XRN1: variants seen among roughly 807,000 people sequenced by gnomAD.
The protein encoded by XRN1 is strand-exchange protein 1 homolog.
Under a neutral mutation model 222.3 loss-of-function variants are expected in XRN1, and 67 were observed. That is an observed-to-expected ratio of 0.30 (90% confidence interval 0.25 to 0.37). The LOEUF (loss-of-function observed/expected upper bound fraction) is 0.37, where lower values mean the gene tolerates loss of function less well. Among genes scored for constraint, XRN1 ranks in the 10% least tolerant of loss-of-function variants. The pLI, the probability that XRN1 is intolerant of heterozygous loss-of-function variation, is 1.00. For synonymous variants in XRN1, 643 were observed against 652.4 expected (o/e 0.99, Z 0.22); for missense variants, 1,707 against 2,000.2 (o/e 0.85, Z 2.80).
rs1476964945 is a variant in XRN1, at chr3:142,420,999, C to A, written c.1173+17G>T. The A allele has an allele frequency of 6.2e-7, 1 of 1,612,864 alleles. No individual in the cohort carries two copies. The highest frequency in any genetic ancestry group is 2.2e-5 in the East Asian group (1 of 44,750). ...TTACAGTTAAAACAATGAAAGGACA[C>A]CTAAAAAAATAGACACCTTTAACTT... On this transcript the variant is annotated intron_variant, in intron 10 of 40. Coordinates refer to ENST00000392981, the MANE Select transcript of XRN1 (RefSeq NM_001282857.2).
chr3:142,359,637 A>G (rs1246990922), intron 30 of XRN1, among the ~76,000 whole-genome samples: 4 of 152,178 alleles, frequency 2.6e-5, no homozygotes, highest in African/African-American at 4.8e-5. Flanking sequence ...CCATGCTTTA[A>G]TTAAATAATT....
At chr3:142,365,208 T>C (rs1368415091) in intron 28 of XRN1, 29 bp from the exon 29 acceptor site, 1 of 1,584,126 alleles carries the variant, frequency 6.3e-7, no homozygotes, top group African/African-American at 1.4e-5. Flanking sequence ...TTAATTATAA[T>C]AAACAAAAAA....
Position 142,310,772 on chromosome 3 carries a change from T to C in XRN1, c.*739A>G, listed in dbSNP as rs184157867. Reference sequence around the variant, plus strand: ...CCTGTAGATTTTGAAACAATTTTACTAGAAATTACTAATGCTGGTTCTTGA... The same window carrying C: ...CCTGTAGATTTTGAAACAATTTTACCAGAAATTACTAATGCTGGTTCTTGA... On this transcript the variant is annotated 3_prime_UTR_variant, in exon 41 of 41. Transcript: ENST00000392981. 2.3e-4 allele frequency: 35 copies of C among 152,766 alleles called. No individual in the cohort carries two copies. The highest frequency in any genetic ancestry group is 4.0e-4 in the Non-Finnish European group (27 of 68,010). 9.5% of individuals were successfully genotyped at this position (152,766 alleles called of 1,614,324 possible).
intron 20 of XRN1, 69 bp downstream of exon 20, chr3:142,397,260 A>T (rs2067965142): frequency 7.1e-7 from 1 of 1,405,308 alleles, no homozygotes; most frequent in African/African-American, 1.4e-5. Context: ...AATGGAAAAT[A>T]AGTTAGAGAA....
chr3:142,383,972 T>C (rs960803671), intron 21 of XRN1, among the ~76,000 whole-genome samples: 2 of 151,410 alleles, frequency 1.3e-5, no homozygotes, highest in Non-Finnish European at 3.0e-5. Flanking sequence ...TCTAAGTCCT[T>C]AAAAAAAACC....
intron 33 of XRN1, among the ~76,000 whole-genome samples, chr3:142,341,737 T>C (rs1465180715): frequency 7.2e-5 from 11 of 152,176 alleles, no homozygotes; most frequent in Non-Finnish European, 1.3e-4. Context: ...AGTTATCCAA[T>C]GTCAATGGAA....
At chr3:142,388,338 T>C (rs939834098) in intron 20 of XRN1, among the ~76,000 whole-genome samples, 4 of 152,236 alleles carry the variant, frequency 2.6e-5, no homozygotes, top group Admixed American at 2.0e-4. Context: ...GAACACACTA[T>C]ATAATACATA....
chr3:142,318,712 A>C lies in XRN1; in HGVS notation c.4519-18T>G, dbSNP rs370457789. On this transcript the variant is annotated intron_variant, in intron 38 of 40. Coordinates refer to ENST00000392981, the MANE Select transcript of XRN1 (RefSeq NM_001282857.2). ...AAGGAGCCCTGTGGAAGTATTTAAAAGTTACAAGACAATGCAATACAAGCT... is the reference window on the plus strand; with the variant it reads ...AAGGAGCCCTGTGGAAGTATTTAAACGTTACAAGACAATGCAATACAAGCT... The C allele has an allele frequency of 3.3e-4, 527 of 1,610,430 alleles. 1 individual carries two copies. In the Middle Eastern group the frequency reaches 5.3e-3, roughly 16 times the overall value.
chr3:142,396,263 A>T (rs1156315289), intron 20 of XRN1, among the ~76,000 whole-genome samples: 2 of 152,168 alleles, frequency 1.3e-5, no homozygotes, highest in African/African-American at 4.8e-5. Context: ...TTTCCAATTA[A>T]AGGAGTCTTG....
Position 142,370,535 on chromosome 3 carries a change from G to C in XRN1, c.3154C>G (p.Leu1052Val), listed in dbSNP as rs2066956365. 1 of 1,606,950 alleles carries C rather than the reference G, an allele frequency of 6.2e-7. No individual in the cohort carries two copies. The change falls in exon 27 of 41, where the codon CTG (leucine) becomes GTG (valine). Residue 1052 changes from leucine (L) to valine (V), a missense_variant. Leu to Val is a conservative substitution (Grantham distance 32). Transcript: ENST00000392981. ...LSRSSCDLQI[L>V]DAAIVEKIEE... ...ATTTTCTCAACAATAGCTGCATCCA[G>C]AATTTGTAAATCACAAGAAGAACGA...
intron 25 of XRN1, among the ~76,000 whole-genome samples, chr3:142,372,366 T>C (rs2067014145): frequency 6.6e-6 from 1 of 152,024 alleles, no homozygotes; most frequent in African/African-American, 2.4e-5. Flanking sequence ...AGCATGCAGG[T>C]AGGGAGTGCT....
At chr3:142,342,022 A>G (rs951111885) in intron 33 of XRN1, among the ~76,000 whole-genome samples, 1 of 152,212 alleles carries the variant, frequency 6.6e-6, no homozygotes. Context: ...CATTGTACTG[A>G]CTTTCCAGAT....
chr3:142,361,584 A>G (rs573105369), intron 29 of XRN1, among the ~76,000 whole-genome samples: 4 of 152,318 alleles, frequency 2.6e-5, no homozygotes, highest in South Asian at 4.1e-4. Context: ...TAGTTGCCCT[A>G]TATCATTGTC....
chr3:142,329,756 T>C, intron 36 of XRN1, 141 bp from the exon 37 acceptor site: 1 of 729,146 alleles, frequency 1.4e-6, no homozygotes, highest in Non-Finnish European at 2.0e-6. Context: ...CATTATTAAA[T>C]AACAGAATCA....
intron 13 of XRN1, among the ~76,000 whole-genome samples, chr3:142,414,753 C>T (rs940377845): frequency 2.0e-5 from 3 of 152,186 alleles, no homozygotes; most frequent in African/African-American, 7.2e-5. Flanking sequence ...CCTCGGCCTC[C>T]CAAAGTGCTG....
At position 142,339,115 on chromosome 3, in the gene XRN1, G is replaced by A. The variant is rs905098588; in HGVS notation, c.3878-3606C>T. On this transcript the variant is annotated intron_variant, in intron 33 of 40. Coordinates refer to ENST00000392981, the MANE Select transcript of XRN1 (RefSeq NM_001282857.2). ...AAACACAGGTTGACAGCCAGGTATGGCGGGCTGTGGGCGAGATCCAGTACT... is the reference window on the plus strand; with the variant it reads ...AAACACAGGTTGACAGCCAGGTATGACGGGCTGTGGGCGAGATCCAGTACT... 4.5e-4 allele frequency among the ~76,000 whole-genome samples: 68 copies of A among 152,106 alleles called. 2 individuals carry two copies. The highest frequency in any genetic ancestry group is 5.9e-5 in the Non-Finnish European group (4 of 68,006).
intron 32 of XRN1, among the ~76,000 whole-genome samples, chr3:142,348,592 C>T (rs2066216348): frequency 1.3e-5 from 2 of 152,120 alleles, no homozygotes; most frequent in South Asian, 4.1e-4. Flanking sequence ...AAGGTCAATA[C>T]AAATGAATTA....
intron 35 of XRN1, 99 bp downstream of exon 35, chr3:142,332,868 C>T: frequency 2.0e-6 from 3 of 1,484,408 alleles, no homozygotes; most frequent in Non-Finnish European, 2.7e-6. Flanking sequence ...AACATACCAG[C>T]CTCCATGATG....
At chr3:142,416,654 C>A (rs1448572136) in intron 13 of XRN1, among the ~76,000 whole-genome samples, 1 of 152,166 alleles carries the variant, frequency 6.6e-6, no homozygotes, top group Non-Finnish European at 1.5e-5. Flanking sequence ...ACTAAGACCT[C>A]TTATTATGAG....
Sources: gnomAD v4.1 joint callset for allele counts (sites outside exome capture counted in the v4.1 genomes callset) on GRCh38, gnomAD v4.1.1 for gene constraint, MANE v1.5 for transcripts, NCBI Gene and HGNC (gene_info 2026-07-23, HGNC 2026-07-21) for gene names.